The following FRZB variants were observed in gnomAD, a reference collection of about 807,000 sequenced individuals.
FRZB encodes frizzled related protein.
A neutral mutation model predicts 32.5 loss-of-function variants in FRZB; 34 were observed. The ratio of observed to expected loss-of-function variants is 1.05; its 90% confidence interval spans 0.80 to 1.39. The LOEUF (loss-of-function observed/expected upper bound fraction) is 1.39. Among genes scored for constraint, FRZB ranks in the 40% most tolerant of loss-of-function variants. The probability of loss-of-function intolerance (pLI) is 0.00; values close to 1 mark genes in which losing one functional copy is unlikely to be tolerated. For synonymous variants in FRZB, 170 were observed against 159.2 expected, an observed-to-expected ratio of 1.07 and a Z score of -0.51; for missense variants, 423 against 424.8, an observed-to-expected ratio of 1.00 and a Z score of 0.04.
intron 1 of FRZB, among the ~76,000 whole-genome samples, chr2:182,859,063 T>G (rs1267781274): frequency 6.6e-6 from 1 of 152,142 alleles, no homozygotes; most frequent in Admixed American, 6.5e-5. Context: ...AATACTCAAC[T>G]GTGCATAAAA....
intron 2 of FRZB, among the ~76,000 whole-genome samples, 193 bp downstream of exon 2, chr2:182,858,593 A>G (rs1388875561): frequency 2.0e-5 from 3 of 152,140 alleles, no homozygotes; most frequent in Non-Finnish European, 2.9e-5. Flanking sequence ...GTACCAAACT[A>G]TATGTCCAAA....
intron 2 of FRZB, among the ~76,000 whole-genome samples, chr2:182,847,216 C>T (rs183787487): frequency 5.3e-5 from 8 of 152,322 alleles, no homozygotes; most frequent in Non-Finnish European, 1.2e-4. Context: ...GAACATATAA[C>T]TTAATGACCT....
In FRZB at chr2:182,863,328, T is replaced by C. The variant is rs545635051; in HGVS notation, c.478+2747A>G. Among the ~76,000 whole-genome samples, 434 of 152,352 alleles carry C rather than the reference T, an allele frequency of 2.8e-3. 2 individuals carry two copies. The highest frequency in any genetic ancestry group is 0.01 in the African/African-American group (421 of 41,566). On this transcript the variant is annotated intron_variant, in intron 1 of 5. Coordinates refer to ENST00000295113, the MANE Select transcript of FRZB (RefSeq NM_001463.4). Reference sequence around the variant, plus strand: ...GAGTTTTCAGATAATCAGTTGTACATGTAGTCACACAAAGTTATGCAAATA... The same window carrying C: ...GAGTTTTCAGATAATCAGTTGTACACGTAGTCACACAAAGTTATGCAAATA...
At chr2:182,857,281 C>T (rs1251489514) in intron 2 of FRZB, among the ~76,000 whole-genome samples, 1 of 152,148 alleles carries the variant, frequency 6.6e-6, no homozygotes, top group Admixed American at 6.5e-5. Flanking sequence ...TGAGATGCAA[C>T]TAAAGTCATT....
At chr2:182,850,955 A>G (rs2105758906) in intron 2 of FRZB, among the ~76,000 whole-genome samples, 1 of 152,234 alleles carries the variant, frequency 6.6e-6, no homozygotes, top group East Asian at 1.9e-4. Flanking sequence ...TTTGATTTGC[A>G]TTTATCTGAT....
At position 182,836,490 on chromosome 2, in the gene FRZB, T is replaced by A. The variant is rs1695526931; in HGVS notation, c.861+1458A>T. ...GAGAATATAAATGACTTTACAATAA[T>A]AACTCTGCAAGTCCCCTGCGGAAAA... On this transcript the variant is annotated intron_variant, in intron 5 of 5. Coordinates refer to ENST00000295113, the MANE Select transcript of FRZB (RefSeq NM_001463.4). Among the ~76,000 whole-genome samples, 2 of 152,018 alleles carry A rather than the reference T, an allele frequency of 1.3e-5. 1 individual carries two copies. The highest frequency in any genetic ancestry group is 1.3e-4 in the Admixed American group (2 of 15,222).
chr2:182,837,925 TC>T, intron 5 of FRZB, 22 bp downstream of exon 5: 9 of 1,598,376 alleles, frequency 5.6e-6, no homozygotes, highest in Non-Finnish European at 7.7e-6. Context: ...GTGTATTACT[TC>T]AAACATAAAA....
intron 2 of FRZB, among the ~76,000 whole-genome samples, chr2:182,849,259 T>C (rs1184569422): frequency 1.3e-5 from 1 of 76,076 alleles, no homozygotes; most frequent in African/African-American, 3.7e-5. Flanking sequence ...AATAAATAAA[T>C]AAATAAATAA....
At chr2:182,858,667 A>T (rs1695797488) in intron 2 of FRZB, 119 bp downstream of exon 2, 5 of 667,944 alleles carry the variant, frequency 7.5e-6, no homozygotes, top group South Asian at 5.3e-5. Context: ...AGGGAATTTT[A>T]AAAAGTTTAC....
intron 3 of FRZB, 55 bp downstream of exon 3, chr2:182,842,423 C>A: frequency 8.0e-7 from 1 of 1,243,278 alleles, no homozygotes; most frequent in South Asian, 1.2e-5. Flanking sequence ...ATAGGTGCAT[C>A]CACACACCTC....
In FRZB at chr2:182,866,605, C is replaced by A; in HGVS notation, c.-53G>T. 3.9e-6 allele frequency: 5 copies of A among 1,273,732 alleles called. No individual in the cohort carries two copies. Among genetic ancestry groups the A allele is most frequent in the East Asian group, 2.6e-5 (1 of 38,498 alleles). 78.9% of individuals were successfully genotyped at this position (1,273,732 alleles called of 1,614,324 possible). A position where few individuals can be genotyped will look rare whatever the true frequency, so the allele number is the denominator to read the frequency against. The stretch of plus-strand genomic sequence containing the variant: ...GCCGCGCAGTGGACGCCAAAAGGCC[C>A]GCTCCGCCGTCTCCGCCTCCCCCGC... On this transcript the variant is annotated 5_prime_UTR_variant, in exon 1 of 6. Transcript: ENST00000295113. The surrounding 1 kb of genome is among the most constrained non-coding windows in gnomAD (Gnocchi z 4.5).
At chr2:182,856,727 G>T (rs1301175683) in intron 2 of FRZB, among the ~76,000 whole-genome samples, 1 of 151,704 alleles carries the variant, frequency 6.6e-6, no homozygotes, top group African/African-American at 2.4e-5. Context: ...AAGGATAAAA[G>T]GACACTACAT....
rs1695496473 is a variant in FRZB at position 182,834,027 on chromosome 2, T to C, written c.*822A>G. The C allele has an allele frequency of 1.3e-5, 2 of 152,172 alleles. No individual in the cohort carries two copies. The highest frequency in any genetic ancestry group is 1.3e-4 in the Admixed American group (2 of 15,272). The allele number at this position is 152,172 out of a possible 1,614,324, so 9.4% of individuals were successfully genotyped here. A position where few individuals can be genotyped will look rare whatever the true frequency, so the allele number is the denominator to read the frequency against. On this transcript the variant is annotated 3_prime_UTR_variant, in exon 6 of 6. Coordinates refer to ENST00000295113, the MANE Select transcript of FRZB (RefSeq NM_001463.4). Reference sequence around the variant, plus strand: ...AAAAAAAAGACTTTCACCAATGGGTTTATTTAAAAGGAAGCAAATTAAACA... The same window carrying C: ...AAAAAAAAGACTTTCACCAATGGGTCTATTTAAAAGGAAGCAAATTAAACA...
Position 182,838,520 on chromosome 2 carries a change from T to C in FRZB, c.686A>G (p.Asn229Ser). Residue 229 changes from asparagine (N) to serine (S), a missense_variant, in exon 4 of 6, where the codon AAC (asparagine) becomes AGC (serine). Coordinates refer to ENST00000295113, the MANE Select transcript of FRZB (RefSeq NM_001463.4). ...VKEILKSSLV[N>S]IPRDTVNLYT... The stretch of plus-strand genomic sequence containing the variant: ...GAGGTTGACAGTGTCCCGTGGAATG[T>C]TTACCAGAGAGGACTTTAGAATCTC... The C allele has an allele frequency of 6.2e-7, 1 of 1,612,948 alleles. No homozygotes were observed. The highest frequency in any genetic ancestry group is 1.1e-5 in the South Asian group (1 of 91,058).
chr2:182,842,393 G>GT, intron 3 of FRZB, 85 bp downstream of exon 3: 2 of 940,030 alleles, frequency 2.1e-6, no homozygotes, highest in Non-Finnish European at 3.4e-6. Context: ...GGCTCCACTC[G>GT]TTTACATGTG....
chr2:182,858,367 G>A (rs1012845482), intron 2 of FRZB, among the ~76,000 whole-genome samples: 2 of 152,162 alleles, frequency 1.3e-5, no homozygotes, highest in Admixed American at 1.3e-4. Context: ...AGTCTCAAAG[G>A]CGTACTGTCA....
At position 182,836,843 on chromosome 2, in the gene FRZB, C is replaced by T. The variant is rs1205314102; in HGVS notation, c.861+1105G>A. ...AAGTCTGAACTTGAAATGCATCTCC[C>T]TTTTGACAAATCTACTAAAGGGGAG... On this transcript the variant is annotated intron_variant, in intron 5 of 5. Coordinates refer to ENST00000295113, the MANE Select transcript of FRZB (RefSeq NM_001463.4). Among the ~76,000 whole-genome samples, 9 of 152,130 alleles carry T rather than the reference C, an allele frequency of 5.9e-5. No individual in the cohort carries two copies. In the South Asian group the frequency reaches 6.2e-4, roughly 11 times the overall value.
chr2:182,835,170 A>C (rs1695510162), intron 5 of FRZB, among the ~76,000 whole-genome samples: 1 of 152,146 alleles, frequency 6.6e-6, no homozygotes, highest in Admixed American at 6.6e-5. Context: ...CGCAACATCT[A>C]TAATGTATTT....
rs1695552553 is a variant in FRZB, at chr2:182,838,524, C to G, written c.682G>C (p.Val228Leu). ...EVKEILKSSLVNIPRDTVNLY... is the reference protein window; with the variant it reads ...EVKEILKSSLLNIPRDTVNLY... ...TTGACAGTGTCCCGTGGAATGTTTA[C>G]CAGAGAGGACTTTAGAATCTCCTTC... Residue 228 changes from valine to leucine, a missense_variant, in exon 4 of 6, where the codon GTA becomes CTA. Transcript: ENST00000295113. 1.9e-6 allele frequency: 3 copies of G among 1,612,916 alleles called. No homozygotes were observed. Among genetic ancestry groups the G allele is most frequent in the South Asian group, 2.2e-5 (2 of 91,064 alleles).
Sources: allele counts gnomAD v4.1 joint callset (sites outside exome capture counted in the v4.1 genomes callset), GRCh38; gene constraint gnomAD v4.1.1; non-coding constraint Gnocchi (gnomAD v3.1); transcripts MANE v1.5; gene names NCBI Gene and HGNC (gene_info 2026-07-23, HGNC 2026-07-21).